ADGRF1: variants seen among roughly 807,000 people sequenced by gnomAD.
ADGRF1 encodes G protein-coupled receptor 110.
A neutral mutation model predicts 87.2 loss-of-function variants in ADGRF1; 85 were observed. That is an observed-to-expected ratio of 0.97 (90% CI 0.82 to 1.17). The LOEUF (loss-of-function observed/expected upper bound fraction) is 1.17. Among genes scored for constraint, ADGRF1 ranks in the 50% most tolerant of loss-of-function variants. The pLI, the probability that ADGRF1 is intolerant of heterozygous loss-of-function variation, is 0.00. For synonymous variants in ADGRF1, 430 were observed against 408.8 expected, an observed-to-expected ratio of 1.05 and a Z score of -0.63; for missense variants, 1,169 against 1,077.2, an observed-to-expected ratio of 1.09 and a Z score of -1.19.
chr6:47,038,604 C>A (rs77899775), intron 1 of ADGRF1, among the ~76,000 whole-genome samples: 1 of 152,020 alleles, frequency 6.6e-6, no homozygotes, highest in Non-Finnish European at 1.5e-5. Flanking sequence ...ACATTGAATA[C>A]TCTCCTTCTA....
intron 1 of ADGRF1, among the ~76,000 whole-genome samples, chr6:47,036,186 C>G (rs751508734): frequency 6.6e-6 from 1 of 151,832 alleles, no homozygotes; most frequent in Non-Finnish European, 1.5e-5. Flanking sequence ...GCCAAGATCG[C>G]GCCACTGCAC....
chr6:47,018,642 T>C, intron 7 of ADGRF1: 2 of 1,275,846 alleles, frequency 1.6e-6, no homozygotes, highest in Non-Finnish European at 2.0e-6. Context: ...CTGGGCATGG[T>C]GACTCATGCC....
chr6:47,013,500 T>G, intron 9 of ADGRF1: 1 of 985,500 alleles, frequency 1.0e-6, no homozygotes, highest in Non-Finnish European at 1.2e-6. Flanking sequence ...CTGCTCAATA[T>G]GGAAATCTAC....
rs1780759678 is a variant in ADGRF1 at position 47,042,263 on chromosome 6, T to G, written c.-116A>C. ...AGTATACTTGTGGCTCAATCACTTC[T>G]TATGCTGTTTGGAAAGAAAGTATCA... On this transcript the variant is annotated 5_prime_UTR_variant, in exon 1 of 15. Transcript: ENST00000371253. The G allele has an allele frequency of 6.6e-6, 1 of 152,238 alleles. No homozygotes were observed. The highest frequency in any genetic ancestry group is 1.5e-5 in the Non-Finnish European group (1 of 68,036). The allele number at this position is 152,238 out of a possible 1,614,324, so 9.4% of individuals were successfully genotyped here. A position where few individuals can be genotyped will look rare whatever the true frequency, so the allele number is the denominator to read the frequency against.
chr6:47,021,815 T>C (rs1009098748), intron 6 of ADGRF1, 143 bp downstream of exon 6: 33 of 567,872 alleles, frequency 5.8e-5, no homozygotes, highest in Admixed American at 2.9e-4. Context: ...ATTTCAACTG[T>C]GGGCAGAGCA....
intron 12 of ADGRF1, among the ~76,000 whole-genome samples, chr6:47,006,564 G>T (rs1232508251): frequency 6.6e-6 from 1 of 152,054 alleles, no homozygotes; most frequent in African/African-American, 2.4e-5. Flanking sequence ...GGGAACAAGT[G>T]GTGTTTGGTT....
chr6:47,019,500 G>A (rs1033646875), intron 7 of ADGRF1: 13 of 384,130 alleles, frequency 3.4e-5, no homozygotes, highest in African/African-American at 1.3e-4. Context: ...TGGCTAACAC[G>A]GTGAAACCCC....
intron 4 of ADGRF1, among the ~76,000 whole-genome samples, chr6:47,025,554 G>A (rs184196562): frequency 7.5e-4 from 114 of 152,156 alleles, no homozygotes; most frequent in African/African-American, 2.5e-3. Context: ...GAGTTACTGC[G>A]GTCACTTCTG....
At chr6:47,005,039 C>G (rs1158649921) in intron 13 of ADGRF1, among the ~76,000 whole-genome samples, 1 of 152,156 alleles carries the variant, frequency 6.6e-6, no homozygotes, top group Non-Finnish European at 1.5e-5. Context: ...AAAAATCTCT[C>G]AATACCCATA....
chr6:47,025,120 C>T (rs1036200631), intron 4 of ADGRF1, among the ~76,000 whole-genome samples: 2 of 152,154 alleles, frequency 1.3e-5, no homozygotes, highest in African/African-American at 2.4e-5. Flanking sequence ...CCTTCTATTA[C>T]ACCTGAAATT....
intron 7 of ADGRF1, 27 bp from the exon 8 acceptor site, chr6:47,016,795 T>C (rs1453708877): frequency 6.4e-7 from 1 of 1,551,918 alleles, no homozygotes; most frequent in South Asian, 1.2e-5. Context: ...GAAAGAGAAA[T>C]GAGATTCACT....
Position 47,010,295 on chromosome 6 carries a change from A to AT in ADGRF1, c.1139dup (p.Asn380LysfsTer4). 5 of 1,610,758 alleles carry AT rather than the reference A, an allele frequency of 3.1e-6. No individual in the cohort carries two copies. Among genetic ancestry groups the AT allele is most frequent in the Non-Finnish European group, 4.2e-6 (5 of 1,178,436 alleles). On this transcript the variant is annotated frameshift_variant, in exon 11 of 15. Coordinates refer to ENST00000371253, the MANE Select transcript of ADGRF1 (RefSeq NM_153840.4). LOFTEE classifies it high-confidence loss of function. ...TGGTTACTGAGGCTGAATTAAGGATATTGTCAGCTATACTGATGACATCCT... is the reference window on the plus strand; with the variant it reads ...TGGTTACTGAGGCTGAATTAAGGATATTTGTCAGCTATACTGATGACATCCT...
chr6:47,035,594 C>G (rs1057501571), intron 1 of ADGRF1, among the ~76,000 whole-genome samples: 4 of 152,082 alleles, frequency 2.6e-5, no homozygotes, highest in Admixed American at 2.0e-4. Flanking sequence ...CATTTAAATT[C>G]TAAATACAAC....
intron 13 of ADGRF1, among the ~76,000 whole-genome samples, chr6:47,004,948 T>C (rs776957591): frequency 6.6e-6 from 1 of 152,170 alleles, no homozygotes; most frequent in Non-Finnish European, 1.5e-5. Flanking sequence ...TACTGAAAAA[T>C]GCAGACCAAG....
intron 7 of ADGRF1, 118 bp from the exon 8 acceptor site, chr6:47,016,886 A>G: frequency 7.5e-7 from 1 of 1,336,134 alleles, no homozygotes; most frequent in Non-Finnish European, 9.7e-7. Flanking sequence ...CAGAGCTTAC[A>G]TTCTAGTGGA....
intron 1 of ADGRF1, among the ~76,000 whole-genome samples, chr6:47,029,561 T>G (rs1233990841): frequency 6.6e-6 from 1 of 152,190 alleles, no homozygotes; most frequent in African/African-American, 2.4e-5. Context: ...AAAATTTCCT[T>G]TTTCATAGTA....
At chr6:47,016,149 A>AT (rs1367226880) in intron 8 of ADGRF1, among the ~76,000 whole-genome samples, 7 of 152,172 alleles carry the variant, frequency 4.6e-5, no homozygotes, top group African/African-American at 1.7e-4. Flanking sequence ...AGTGGTACAA[A>AT]TTTTGGTAGG....
chr6:47,018,693 T>C (rs2113891282), intron 7 of ADGRF1: 1 of 840,136 alleles, frequency 1.2e-6, no homozygotes, highest in Non-Finnish European at 1.7e-6. Flanking sequence ...GTGTGGGTCA[T>C]TTGAGGCCAG....
chr6:47,017,222 C>T (rs1779911664), intron 7 of ADGRF1: 1 of 152,128 alleles, frequency 6.6e-6, no homozygotes, highest in Admixed American at 6.6e-5. Flanking sequence ...GGAGCAATAG[C>T]AGGAGATGAT....
Sources: gnomAD v4.1 joint callset for allele counts (sites outside exome capture counted in the v4.1 genomes callset) on GRCh38, gnomAD v4.1.1 for gene constraint, MANE v1.5 for transcripts, NCBI Gene and HGNC (gene_info 2026-07-23, HGNC 2026-07-21) for gene names.